Variants in ARMC9 observed in about 807,000 individuals in gnomAD.
ARMC9 encodes armadillo repeat containing 9.
In ARMC9, 94 loss-of-function variants were observed where a neutral mutation model predicts 107.0. The ratio of observed to expected loss-of-function variants is 0.88; its 90% CI spans 0.74 to 1.04. The LOEUF (loss-of-function observed/expected upper bound fraction) is 1.04, where lower values mean the gene tolerates loss of function less well. ARMC9 is among the 50% of genes least tolerant of loss of function. ARMC9 has a pLI of 0.00. For missense variants in ARMC9, 942 were observed against 1,030.1 expected (o/e 0.91, Z 1.17); for synonymous variants, 380 against 396.9 (o/e 0.96, Z 0.51).
intron 19 of ARMC9, among the ~76,000 whole-genome samples, chr2:231,329,442 TGGGATTACA>T (rs1275717768): frequency 6.6e-6 from 1 of 152,186 alleles, no homozygotes; most frequent in Non-Finnish European, 1.5e-5. Context: ...TCTGAGTAGC[TGGGATTACA>T]GGCATGCGCC....
At chr2:231,310,220 G>C (rs188798460) in intron 19 of ARMC9, among the ~76,000 whole-genome samples, 122 of 151,976 alleles carry the variant, frequency 8.0e-4, no homozygotes, top group Non-Finnish European at 1.3e-3. Context: ...TTCGCGACCA[G>C]CCTGACCAAC....
At chr2:231,232,260 G>A (rs1408546296) in intron 7 of ARMC9, among the ~76,000 whole-genome samples, 2 of 151,698 alleles carry the variant, frequency 1.3e-5, no homozygotes, top group African/African-American at 2.4e-5. Context: ...TCTTGACCTC[G>A]TGATCCACCC....
chr2:231,249,501 C>T (rs2037090748), intron 9 of ARMC9, among the ~76,000 whole-genome samples: 1 of 152,158 alleles, frequency 6.6e-6, no homozygotes, highest in Non-Finnish European at 1.5e-5. Context: ...CACTGCCCAC[C>T]TCCCCACATC....
rs1460896244 is a variant in ARMC9, at chr2:231,360,124, G to A, written c.2132-630G>A. Among the ~76,000 whole-genome samples the A allele has an allele frequency of 6.6e-6, 1 of 151,994 alleles. No individual in the cohort carries two copies. Among genetic ancestry groups the A allele is most frequent in the Non-Finnish European group, 1.5e-5 (1 of 67,990 alleles). On this transcript the variant is annotated intron_variant, in intron 22 of 24. Transcript: ENST00000611582. This position sits in a 1 kb window ranked among gnomAD's most constrained non-coding sequence, Gnocchi z 4.7. ...AGGAACATCTGTTCCCAGGCCCTTG[G>A]GGAGCCCTCCGTATGCTATGATGCT...
chr2:231,242,219 C>T (rs984676427), intron 9 of ARMC9, among the ~76,000 whole-genome samples: 8 of 151,692 alleles, frequency 5.3e-5, no homozygotes, highest in Admixed American at 3.3e-4. Context: ...TGCTAAGACC[C>T]GGGATAATCT....
chr2:231,230,912 A>T (rs982084746), intron 7 of ARMC9, among the ~76,000 whole-genome samples: 4 of 152,202 alleles, frequency 2.6e-5, no homozygotes, highest in African/African-American at 9.7e-5. Flanking sequence ...GTACCCATGG[A>T]TATGGAGTGC....
chr2:231,362,859 C>A lies in ARMC9; in HGVS notation c.2261+1976C>A, dbSNP rs556534045. The A allele has an allele frequency of 1.7e-3, 264 of 154,440 alleles. No homozygotes were observed. Among genetic ancestry groups the A allele is most frequent in the Middle Eastern group, 4.7e-3 (9 of 1,908 alleles). 9.6% of individuals were successfully genotyped at this position (154,440 alleles called of 1,614,324 possible). A position where few individuals can be genotyped will look rare whatever the true frequency, so the allele number is the denominator to read the frequency against. ...CAATTCAGGTCTCACTGAAGCATCC[C>A]TTCCTCCTGCCTGACCCCAAAGTGC... On this transcript the variant is annotated intron_variant, in intron 23 of 24. Transcript: ENST00000611582. The surrounding 1 kb of genome is among the most constrained non-coding windows in gnomAD (Gnocchi z 4.7).
intron 12 of ARMC9, among the ~76,000 whole-genome samples, chr2:231,268,591 A>T (rs1412528002): frequency 6.6e-6 from 1 of 152,154 alleles, no homozygotes; most frequent in African/African-American, 2.4e-5. Context: ...GGTGGAACAC[A>T]TCCTTTAGTT....
chr2:231,263,275 A>G (rs1281927951), intron 12 of ARMC9, among the ~76,000 whole-genome samples: 2 of 152,210 alleles, frequency 1.3e-5, no homozygotes, highest in African/African-American at 4.8e-5. Context: ...GTCTTAGGCC[A>G]TTTCCTGCTG....
At chr2:231,357,427 C>T (rs1292565897) in intron 22 of ARMC9, among the ~76,000 whole-genome samples, 1 of 152,178 alleles carries the variant, frequency 6.6e-6, no homozygotes, top group African/African-American at 2.4e-5. Context: ...ATTGGCTCAG[C>T]CTGGCTGGGA....
At chr2:231,357,544 C>A (rs1454425583) in intron 22 of ARMC9, among the ~76,000 whole-genome samples, 2 of 152,124 alleles carry the variant, frequency 1.3e-5, no homozygotes, top group South Asian at 2.1e-4. Flanking sequence ...CTCAGGCCAA[C>A]ACCCCTAGTC....
chr2:231,284,801 A>ACT (rs1198092228), intron 17 of ARMC9, among the ~76,000 whole-genome samples: 1 of 152,008 alleles, frequency 6.6e-6, no homozygotes, highest in Non-Finnish European at 1.5e-5. Flanking sequence ...GCTGCCACAC[A>ACT]CTCCTAAGTA....
intron 19 of ARMC9, among the ~76,000 whole-genome samples, chr2:231,314,818 G>C (rs942903642): frequency 6.6e-6 from 1 of 150,406 alleles, no homozygotes; most frequent in Non-Finnish European, 1.5e-5. Flanking sequence ...ACCATTTTTA[G>C]TTAATTTTTG....
At chr2:231,326,522 C>T (rs908810525) in intron 19 of ARMC9, among the ~76,000 whole-genome samples, 6 of 152,180 alleles carry the variant, frequency 3.9e-5, no homozygotes, top group Admixed American at 6.5e-5. Context: ...TCTTTGGGGA[C>T]AGCCTAGAGT....
chr2:231,306,639 A>T (rs901529829), intron 19 of ARMC9, among the ~76,000 whole-genome samples: 1 of 152,194 alleles, frequency 6.6e-6, no homozygotes, highest in African/African-American at 2.4e-5. Context: ...ACATCTCGAG[A>T]GCAAGAAGTT....
At chr2:231,296,174 C>T in intron 18 of ARMC9, 24 bp from the exon 19 acceptor site, 1 of 1,587,680 alleles carries the variant, frequency 6.3e-7, no homozygotes, top group Non-Finnish European at 8.6e-7. Flanking sequence ...ATCCATTATT[C>T]ATTGATTCTT....
chr2:231,370,238 C>T, intron 24 of ARMC9, 113 bp downstream of exon 24: 1 of 1,179,670 alleles, frequency 8.5e-7, no homozygotes, highest in South Asian at 2.1e-5. Context: ...CAGGCCAGGC[C>T]AGAAGGGCAG....
chr2:231,328,560 C>T (rs2043489013), intron 19 of ARMC9, among the ~76,000 whole-genome samples: 1 of 152,018 alleles, frequency 6.6e-6, no homozygotes, highest in Admixed American at 6.6e-5. Context: ...TGTTCAATTT[C>T]TCCAGCACTA....
chr2:231,208,275 T>A, intron 3 of ARMC9, 23 bp downstream of exon 3: 1 of 1,570,562 alleles, frequency 6.4e-7, no homozygotes, highest in Non-Finnish European at 8.7e-7. Context: ...TTATTTTTCA[T>A]CCCTGTAGAT....
Sources: allele counts gnomAD v4.1 joint callset (sites outside exome capture counted in the v4.1 genomes callset), GRCh38; gene constraint gnomAD v4.1.1; non-coding constraint Gnocchi (gnomAD v3.1); transcripts MANE v1.5; gene names NCBI Gene and HGNC (gene_info 2026-07-23, HGNC 2026-07-21).